The following SPARCL1 variants were observed in gnomAD, a reference collection of about 807,000 sequenced individuals.
SPARCL1 encodes SPARC like 1.
In SPARCL1, 52 loss-of-function variants were observed where a neutral mutation model predicts 67.1. The observed-to-expected ratio is 0.78, with a 90% CI of 0.62 to 0.98. The LOEUF is 0.98. Among genes scored for constraint, SPARCL1 ranks in the 50% least tolerant of loss-of-function variants. The pLI is 0.00. For synonymous variants in SPARCL1, 226 were observed against 267.8 expected (o/e 0.84, Z 1.52); for missense variants, 717 against 782.4 (o/e 0.92, Z 1.00).
rs773115583 is a variant in SPARCL1, at chr4:87,490,349, T to C, written c.1455A>G (p.Leu485=). ...DNQTYASSCH[L]FATKCRLEGT... ...CCTCCAGTCTGCATTTAGTAGCGAA[T>C]AGATGACAGGAACTAGCATAGGTCT... The change falls in exon 7 of 11, where the codon CTA becomes CTG. Residue 485 remains leucine (L), a synonymous_variant. Coordinates refer to ENST00000282470, the MANE Select transcript of SPARCL1 (RefSeq NM_004684.6). The C allele has an allele frequency of 1.6e-4, 259 of 1,613,494 alleles. 1 individual carries two copies. Among genetic ancestry groups the C allele is most frequent in the East Asian group, 2.0e-4 (9 of 44,856 alleles).
At position 87,494,485 on chromosome 4, in the gene SPARCL1, A is replaced by G; in HGVS notation, c.315T>C (p.Gly105=). The part of the protein sequence containing the change: ...LGLKDQEDSD[G]HLSVNLEYAP... The stretch of plus-strand genomic sequence containing the variant: ...CATACTCCAAATTCACACTTAAGTG[A>G]CCATCACTGTCCTCTTGATCCTTCA... Residue 105 remains glycine, a synonymous_variant, in exon 4 of 11, where the codon GGT becomes GGC. Coordinates refer to ENST00000282470, the MANE Select transcript of SPARCL1 (RefSeq NM_004684.6). The G allele has an allele frequency of 6.2e-7, 1 of 1,614,070 alleles. No individual in the cohort carries two copies. The highest frequency in any genetic ancestry group is 8.5e-7 in the Non-Finnish European group (1 of 1,179,984).
chr4:87,487,817 T>G (rs977548019), intron 7 of SPARCL1, among the ~76,000 whole-genome samples: 1 of 152,190 alleles, frequency 6.6e-6, no homozygotes, highest in African/African-American at 2.4e-5. Context: ...TCTCTAATCT[T>G]GTCTTCATGC....
chr4:87,483,607 T>C (rs912321569), intron 7 of SPARCL1, among the ~76,000 whole-genome samples: 1 of 152,246 alleles, frequency 6.6e-6, no homozygotes, highest in African/African-American at 2.4e-5. Flanking sequence ...TACCCAGTAA[T>C]GGGATTGCTG....
intron 1 of SPARCL1, among the ~76,000 whole-genome samples, chr4:87,501,956 A>G (rs1278763964): frequency 7.0e-6 from 1 of 143,512 alleles, no homozygotes; most frequent in Admixed American, 7.2e-5. Flanking sequence ...TTTACCTTAC[A>G]TCTCTCCTAT....
At chr4:87,482,331 C>T in intron 8 of SPARCL1, 93 bp downstream of exon 8, 9 of 1,374,310 alleles carry the variant, frequency 6.5e-6, no homozygotes, top group Non-Finnish European at 9.0e-6. Context: ...TGGGCTTTTG[C>T]CAGTATGCAG....
intron 9 of SPARCL1, 118 bp downstream of exon 9, chr4:87,480,254 G>A (rs1723756739): frequency 2.5e-6 from 2 of 802,976 alleles, no homozygotes; most frequent in South Asian, 3.6e-5. Flanking sequence ...AGGCATTTCA[G>A]TATTCTAAAA....
At chr4:87,527,333 T>C (rs1206812737) in intron 1 of SPARCL1, among the ~76,000 whole-genome samples, 3 of 152,086 alleles carry the variant, frequency 2.0e-5, no homozygotes, top group African/African-American at 2.4e-5. Context: ...CCTTCTCCAC[T>C]GAAGATCATT....
intron 10 of SPARCL1, among the ~76,000 whole-genome samples, chr4:87,476,910 C>G (rs1723606140): frequency 6.6e-6 from 1 of 152,216 alleles, no homozygotes. Flanking sequence ...GGTATACTTA[C>G]AAATAAATTT....
chr4:87,503,794 T>G (rs1367973630), intron 1 of SPARCL1, among the ~76,000 whole-genome samples: 1 of 151,170 alleles, frequency 6.6e-6, no homozygotes, highest in Non-Finnish European at 1.5e-5. Flanking sequence ...TTCTCATGCC[T>G]CAGCCTCCCA....
At chr4:87,491,580 T>G in intron 5 of SPARCL1, 38 bp downstream of exon 5, 82 of 1,523,306 alleles carry the variant, frequency 5.4e-5, no homozygotes, top group Non-Finnish European at 6.8e-5. Context: ...ATTTCTTCCT[T>G]GATATAGTCA....
chr4:87,508,923 T>C (rs1394326117), intron 1 of SPARCL1, among the ~76,000 whole-genome samples: 1 of 144,800 alleles, frequency 6.9e-6, no homozygotes, highest in Admixed American at 6.9e-5. Context: ...CATATGTGTA[T>C]ATACTATGTA....
At chr4:87,516,489 A>C (rs1293252271) in intron 1 of SPARCL1, among the ~76,000 whole-genome samples, 1 of 152,210 alleles carries the variant, frequency 6.6e-6, no homozygotes, top group African/African-American at 2.4e-5. Context: ...TAGCTCATTC[A>C]ATGGCATATA....
At chr4:87,475,162 C>A (rs1469863985) in intron 10 of SPARCL1, among the ~76,000 whole-genome samples, 3 of 152,164 alleles carry the variant, frequency 2.0e-5, no homozygotes, top group African/African-American at 7.2e-5. Context: ...CTTTCCTGCA[C>A]TCAAACATCC....
chr4:87,503,667 G>A (rs10027196), intron 1 of SPARCL1, among the ~76,000 whole-genome samples: 63,287 of 145,108 alleles, frequency 0.44, 14,591 homozygotes, highest in East Asian at 0.74. Context: ...CTCAGCAAAT[G>A]AAGTTTTTTT....
rs113302543 is a variant in SPARCL1, at chr4:87,493,819, A to T, written c.981T>A (p.Asp327Glu). 1 of 1,614,000 alleles carries T rather than the reference A, an allele frequency of 6.2e-7. No homozygotes were observed. Among genetic ancestry groups the T allele is most frequent in the African/African-American group, 1.3e-5 (1 of 74,886 alleles). The change falls in exon 4 of 11, where the codon GAT becomes GAA. Residue 327 changes from aspartate to glutamate, a missense_variant. Asp to Glu is a conservative substitution (Grantham distance 45, BLOSUM62 2). Coordinates refer to ENST00000282470, the MANE Select transcript of SPARCL1 (RefSeq NM_004684.6). Reference protein sequence around the residue: ...SEALLMEPTDDGNTTPRNHGV... With the variant: ...SEALLMEPTDEGNTTPRNHGV... ...CATGATTTCTGGGCGTGGTATTACC[A>T]TCATCAGTAGGTTCCATGAGCAGAG...
In SPARCL1 at chr4:87,482,415, A is replaced by G. The variant is rs1263793244; in HGVS notation, c.1668+9T>C. On this transcript the variant is annotated intron_variant, in intron 8 of 10. Transcript: ENST00000282470. ...AGACATTGAAGAAGCTAACCTGTGG[A>G]TAACTTACTTTATTTCTCTGCTTCT... 6.2e-7 allele frequency: 1 copy of G among 1,612,468 alleles called. No homozygotes were observed. The highest frequency in any genetic ancestry group is 8.5e-7 in the Non-Finnish European group (1 of 1,179,712).
At position 87,479,543 on chromosome 4, in the gene SPARCL1, G is replaced by A; in HGVS notation, c.1853C>T (p.Ala618Val). 1 of 1,614,142 alleles carries A rather than the reference G, an allele frequency of 6.2e-7. No homozygotes were observed. Among genetic ancestry groups the A allele is most frequent in the Non-Finnish European group, 8.5e-7 (1 of 1,179,992 alleles). ...GCAGTGTTCCATGGGCACCAGAGAT[G>A]CTCGCAGAGGAGCAAGTTCAGAATG... ...LTHSELAPLR[A>V]SLVPMEHCIT... is the part of the protein sequence containing the mutation. Residue 618 changes from alanine to valine, a missense_variant, in exon 10 of 11, where the codon GCA becomes GTA. Transcript: ENST00000282470.
In SPARCL1 at chr4:87,523,510, A is replaced by G. The variant is rs558964798; in HGVS notation, c.-12+5535T>C. ...AGTCAGTAATGAAAGTGTGGAGAAC[A>G]TGACCACGAGTGAGGACTAATGCCT... is the stretch of plus-strand genomic sequence containing the variant. On this transcript the variant is annotated intron_variant, in intron 1 of 10. Transcript: ENST00000282470. Among the ~76,000 whole-genome samples, 80 of 152,334 alleles carry G rather than the reference A, an allele frequency of 5.3e-4. 1 individual carries two copies. The South Asian group carries it at 0.016, about 30-fold the overall frequency.
chr4:87,491,703 A>G lies in SPARCL1; in HGVS notation c.1219-13T>C, dbSNP rs1327152655. ...CTGCTTTCTTGGCCTTTAGAATAAC[A>G]AGAGCAAAAGTTAAAATCTACTAAG... On this transcript the variant is annotated splice_polypyrimidine_tract_variant and intron_variant, in intron 4 of 10. Transcript: ENST00000282470. The G allele has an allele frequency of 6.3e-7, 1 of 1,596,930 alleles. No homozygotes were observed. Among genetic ancestry groups the G allele is most frequent in the African/African-American group, 1.3e-5 (1 of 74,384 alleles).
Sources: allele counts gnomAD v4.1 joint callset (sites outside exome capture counted in the v4.1 genomes callset), GRCh38; gene constraint gnomAD v4.1.1; transcripts MANE v1.5; gene names NCBI Gene and HGNC (gene_info 2026-07-23, HGNC 2026-07-21).